HCN1: variants seen among roughly 807,000 people sequenced by gnomAD.
HCN1 encodes hyperpolarization activated cyclic nucleotide gated potassium channel 1, also known as potassium/sodium hyperpolarization-activated cyclic nucleotide-gated channel 1.
A neutral mutation model predicts 78.9 loss-of-function variants in HCN1; 13 were observed. The ratio of observed to expected loss-of-function variants is 0.16; its 90% CI spans 0.11 to 0.26. The LOEUF (loss-of-function observed/expected upper bound fraction) is 0.26. Ranked by LOEUF, HCN1 falls within the 10% of genes least tolerant of loss-of-function variation. The pLI is 1.00. For synonymous variants in HCN1, 552 were observed against 455.5 expected (o/e 1.21, Z -2.70); for missense variants, 810 against 1,154.3 (o/e 0.70, Z 4.32).
intron 3 of HCN1, among the ~76,000 whole-genome samples, chr5:45,411,099 G>A (rs1389415210): frequency 6.6e-6 from 1 of 152,032 alleles, no homozygotes; most frequent in Non-Finnish European, 1.5e-5. Context: ...ACTTGTCTCT[G>A]ATAAATAAAT....
intron 5 of HCN1, among the ~76,000 whole-genome samples, chr5:45,351,223 A>G (rs995401471): frequency 4.9e-4 from 75 of 151,998 alleles, no homozygotes; most frequent in African/African-American, 1.7e-3. Flanking sequence ...ATAATGCCGC[A>G]TATCTACAAC....
chr5:45,316,260 T>C (rs1745989817), intron 5 of HCN1, among the ~76,000 whole-genome samples: 1 of 152,132 alleles, frequency 6.6e-6, no homozygotes, highest in Non-Finnish European at 1.5e-5. Context: ...TGGTTCAACA[T>C]ATGCAAATCA....
intron 1 of HCN1, among the ~76,000 whole-genome samples, chr5:45,691,239 A>C (rs1457424231): frequency 6.6e-6 from 1 of 152,126 alleles, no homozygotes. Context: ...ACCCAAGTCC[A>C]CATAATTAAA....
At chr5:45,347,847 A>G (rs982909516) in intron 5 of HCN1, among the ~76,000 whole-genome samples, 1 of 152,226 alleles carries the variant, frequency 6.6e-6, no homozygotes. Flanking sequence ...CAAAGCCTCC[A>G]AGAAATATGG....
chr5:45,691,427 T>A (rs1179112859), intron 1 of HCN1, among the ~76,000 whole-genome samples: 10 of 152,152 alleles, frequency 6.6e-5, no homozygotes, highest in Non-Finnish European at 1.5e-4. Flanking sequence ...TAAAGTTGCA[T>A]AACTTACATG....
At chr5:45,598,110 C>T (rs1208935443) in intron 2 of HCN1, among the ~76,000 whole-genome samples, 2 of 152,132 alleles carry the variant, frequency 1.3e-5, no homozygotes, top group East Asian at 3.8e-4. Context: ...ATTGCCAAGA[C>T]AATCCTAAGA....
chr5:45,309,952 C>G (rs780975290), intron 5 of HCN1, among the ~76,000 whole-genome samples: 1 of 152,064 alleles, frequency 6.6e-6, no homozygotes, highest in Non-Finnish European at 1.5e-5. Context: ...ACTGGCTCTT[C>G]TTTGTATATC....
At chr5:45,326,145 A>T (rs1746229529) in intron 5 of HCN1, among the ~76,000 whole-genome samples, 1 of 151,594 alleles carries the variant, frequency 6.6e-6, no homozygotes, top group African/African-American at 2.4e-5. Flanking sequence ...AAAAAATTAC[A>T]TATACATTTA....
intron 2 of HCN1, among the ~76,000 whole-genome samples, chr5:45,503,101 A>G (rs1742224396): frequency 6.6e-6 from 1 of 152,182 alleles, no homozygotes; most frequent in Admixed American, 6.5e-5. Flanking sequence ...ATTTTATAAA[A>G]TGTTAGGTAG....
At chr5:45,434,412 G>A (rs1740522889) in intron 3 of HCN1, among the ~76,000 whole-genome samples, 1 of 152,166 alleles carries the variant, frequency 6.6e-6, no homozygotes, top group Non-Finnish European at 1.5e-5. Context: ...GTGAAACAAA[G>A]ACTATTTGCA....
At chr5:45,631,103 T>C (rs1309425222) in intron 2 of HCN1, among the ~76,000 whole-genome samples, 2 of 152,176 alleles carry the variant, frequency 1.3e-5, no homozygotes, top group East Asian at 1.9e-4. Context: ...TGATTTTATT[T>C]TGAACAGTTA....
intron 4 of HCN1, among the ~76,000 whole-genome samples, chr5:45,372,331 A>C (rs1197481279): frequency 2.0e-5 from 2 of 101,924 alleles, no homozygotes; most frequent in African/African-American, 8.3e-5. Context: ...TATGTTATAT[A>C]ATATATATCA....
intron 2 of HCN1, among the ~76,000 whole-genome samples, chr5:45,547,166 T>C (rs773289566): frequency 6.6e-6 from 1 of 151,934 alleles, no homozygotes; most frequent in Non-Finnish European, 1.5e-5. Flanking sequence ...AATCTTTTAA[T>C]AGATCCTTCA....
At chr5:45,637,413 C>T (rs894263819) in intron 2 of HCN1, among the ~76,000 whole-genome samples, 1 of 151,770 alleles carries the variant, frequency 6.6e-6, no homozygotes, top group South Asian at 2.1e-4. Context: ...CTAGCAAGTA[C>T]TTTAGAGCCC....
chr5:45,551,538 G>A (rs536915107), intron 2 of HCN1, among the ~76,000 whole-genome samples: 58 of 151,914 alleles, frequency 3.8e-4, no homozygotes, highest in Middle Eastern at 6.8e-3. Flanking sequence ...GAAGATTAAA[G>A]ATGGATAAAA....
intron 6 of HCN1, among the ~76,000 whole-genome samples, chr5:45,278,118 C>T (rs1209603040): frequency 6.6e-6 from 1 of 151,972 alleles, no homozygotes; most frequent in Non-Finnish European, 1.5e-5. Flanking sequence ...TTGTGTCATC[C>T]CCCTGAGTGC....
At chr5:45,564,254 C>A (rs1326404021) in intron 2 of HCN1, among the ~76,000 whole-genome samples, 2 of 151,294 alleles carry the variant, frequency 1.3e-5, no homozygotes, top group Non-Finnish European at 2.9e-5. Context: ...GTGGGTGAAC[C>A]TTTAGGAAGC....
At chr5:45,312,531 G>C (rs550999808) in intron 5 of HCN1, among the ~76,000 whole-genome samples, 1 of 152,128 alleles carries the variant, frequency 6.6e-6, no homozygotes, top group Non-Finnish European at 1.5e-5. Flanking sequence ...AGGACAGTGG[G>C]TGCAGCCCAC....
intron 2 of HCN1, among the ~76,000 whole-genome samples, chr5:45,468,641 GT>G (rs1377154002): frequency 5.9e-5 from 9 of 152,094 alleles, no homozygotes; most frequent in African/African-American, 2.2e-4. Flanking sequence ...TGAAAAGTGT[GT>G]TTTTTATGGA....
Sources: gnomAD v4.1 joint callset for allele counts (sites outside exome capture counted in the v4.1 genomes callset) on GRCh38, gnomAD v4.1.1 for gene constraint, MANE v1.5 for transcripts, NCBI Gene and HGNC (gene_info 2026-07-23, HGNC 2026-07-21) for gene names.